Variants in CCDC32 observed in about 807,000 individuals in gnomAD.
CCDC32 encodes the protein coiled-coil domain containing 32, also known as coiled-coil domain-containing protein 32.
In CCDC32, 9 loss-of-function variants were observed where a neutral mutation model predicts 20.1. The ratio of observed to expected loss-of-function variants is 0.45; its 90% CI spans 0.27 to 0.78. The LOEUF (loss-of-function observed/expected upper bound fraction) is 0.78, where lower values mean the gene tolerates loss of function less well. Ranked by LOEUF, CCDC32 falls within the 30% of genes least tolerant of loss-of-function variation. The pLI is 0.16. For missense variants in CCDC32, 204 were observed against 215.5 expected (o/e 0.95, Z 0.33); for synonymous variants, 63 against 79.0 (o/e 0.80, Z 1.07).
Position 40,553,865 on chromosome 15 carries a change from G to T in CCDC32, c.*106C>A. The T allele has an allele frequency of 2.1e-6, 3 of 1,425,856 alleles. No homozygotes were observed. The highest frequency in any genetic ancestry group is 9.3e-7 in the Non-Finnish European group (1 of 1,074,322). 88.3% of individuals were successfully genotyped at this position (1,425,856 alleles called of 1,614,324 possible). On this transcript the variant is annotated 3_prime_UTR_variant, in exon 4 of 4. Coordinates refer to ENST00000416810, the MANE Select transcript of CCDC32 (RefSeq NM_001080792.4). ...GATTTCTCCCTGCTGCTGTCACTGA[G>T]CTCCACGCTGCTCGCTCTGGACCCG...
intron 3 of CCDC32, among the ~76,000 whole-genome samples, chr15:40,554,734 G>A (rs1050429668): frequency 3.9e-5 from 6 of 152,110 alleles, no homozygotes; most frequent in Non-Finnish European, 7.4e-5. Flanking sequence ...TTTTTGTTTG[G>A]ATCTGTAGGG....
downstream of CCDC32, chr15:40,534,890 A>G (rs1276977012): frequency 1.4e-6 from 1 of 702,380 alleles, no homozygotes; most frequent in Non-Finnish European, 2.6e-6. Flanking sequence ...AAAGTGAGGA[A>G]GTGATGGGCT....
chr15:40,548,414 T>C (rs932387927), downstream of CCDC32, among the ~76,000 whole-genome samples: 1 of 152,204 alleles, frequency 6.6e-6, no homozygotes, highest in Non-Finnish European at 1.5e-5. Context: ...AATAAAATAC[T>C]TAAAAATTAG....
At chr15:40,552,437 C>T (rs1418475996), downstream of CCDC32, among the ~76,000 whole-genome samples, 5 of 142,262 alleles carry the variant, frequency 3.5e-5, no homozygotes, top group Non-Finnish European at 6.0e-5. Flanking sequence ...GCCAAGATCG[C>T]GCCATTGCAC....
chr15:40,547,316 G>A (rs1414910981), intron 3 of CCDC32, among the ~76,000 whole-genome samples: 1 of 152,102 alleles, frequency 6.6e-6, no homozygotes, highest in Non-Finnish European at 1.5e-5. Context: ...CTTGTGATCT[G>A]GTGCCAGGCT....
At chr15:40,528,145 G>A (rs1894923218), downstream of CCDC32, among the ~76,000 whole-genome samples, 1 of 152,226 alleles carries the variant, frequency 6.6e-6, no homozygotes, top group Admixed American at 6.5e-5. Flanking sequence ...TGAGAGAGGC[G>A]AAGCTCTGGC....
Position 40,553,380 on chromosome 15 carries a change from C to CAAGGAACAAATGAGAGAA in CCDC32, c.*573_*590dup. 1.0e-6 allele frequency: 1 copy of CAAGGAACAAATGAGAGAA among 985,262 alleles called. No individual in the cohort carries two copies. Among genetic ancestry groups the CAAGGAACAAATGAGAGAA allele is most frequent in the Non-Finnish European group, 1.2e-6 (1 of 829,856 alleles). 61.0% of individuals were successfully genotyped at this position (985,262 alleles called of 1,614,324 possible). On this transcript the variant is annotated 3_prime_UTR_variant, in exon 4 of 4. Transcript: ENST00000416810. ...ACACTTCTTTTGCCCATTTGTTCCA[C>CAAGGAACAAATGAGAGAA]AAGGAACAAATGAGAGAAAGAAGCC...
downstream of CCDC32, among the ~76,000 whole-genome samples, chr15:40,530,488 CCTCT>C (rs896502252): frequency 3.6e-5 from 5 of 139,400 alleles, no homozygotes; most frequent in Admixed American, 7.3e-5. Flanking sequence ...TCTCTCTCTC[CCTCT>C]CTCTCTCTCT....
In CCDC32 at chr15:40,565,016, CCT is replaced by C; in HGVS notation, c.-55_-54del. 1 of 568,078 alleles carries C rather than the reference CCT, an allele frequency of 1.8e-6. No individual in the cohort carries two copies. 35.2% of individuals were successfully genotyped at this position (568,078 alleles called of 1,614,324 possible). The stretch of plus-strand genomic sequence containing the variant: ...GTAAACGCTTGGCTCAGCTCTGTCG[CCT>C]GTAGCCCGGAGGAAATCGGGAGGGG... On this transcript the variant is annotated 5_prime_UTR_variant, in exon 1 of 4. Transcript: ENST00000416810.
intron 2 of CCDC32, chr15:40,557,706 T>G: frequency 5.2e-6 from 1 of 193,430 alleles, no homozygotes; most frequent in Non-Finnish European, 1.1e-5. Flanking sequence ...TTTCCCTGGT[T>G]TGACATGTGT....
At chr15:40,533,953 A>G (rs984275677), downstream of CCDC32, among the ~76,000 whole-genome samples, 3 of 152,212 alleles carry the variant, frequency 2.0e-5, no homozygotes, top group Non-Finnish European at 4.4e-5. Context: ...AAGGGCTAAG[A>G]TCCCAAGAGG....
intron 3 of CCDC32, among the ~76,000 whole-genome samples, chr15:40,540,382 T>A (rs1889339138): frequency 6.8e-6 from 1 of 146,862 alleles, no homozygotes; most frequent in Non-Finnish European, 1.5e-5. Context: ...TTTTTTTTTT[T>A]TTTGAGGTGG....
chr15:40,550,941 T>A (rs959373943), downstream of CCDC32, among the ~76,000 whole-genome samples: 2 of 152,214 alleles, frequency 1.3e-5, no homozygotes. Context: ...TACAGAAACA[T>A]TCTCTTACCA....
At chr15:40,530,954 C>T (rs998318774), downstream of CCDC32, among the ~76,000 whole-genome samples, 18 of 151,732 alleles carry the variant, frequency 1.2e-4, no homozygotes, top group Non-Finnish European at 2.1e-4. Context: ...AAGCAATCCA[C>T]CCATCTCAGC....
chr15:40,529,176 C>G (rs1303261442), intron 3 of CCDC32, among the ~76,000 whole-genome samples: 1 of 152,190 alleles, frequency 6.6e-6, no homozygotes, highest in Non-Finnish European at 1.5e-5. Flanking sequence ...TACTCTCTGC[C>G]AGGGGTCTTA....
At chr15:40,559,882 A>T (rs2141650931) in intron 2 of CCDC32, among the ~76,000 whole-genome samples, 1 of 152,352 alleles carries the variant, frequency 6.6e-6, no homozygotes, top group South Asian at 2.1e-4. Flanking sequence ...CTGGCTAGCC[A>T]CCTGTAGAAG....
At chr15:40,541,134 A>G (rs1255603987) in intron 3 of CCDC32, among the ~76,000 whole-genome samples, 1 of 152,204 alleles carries the variant, frequency 6.6e-6, no homozygotes, top group African/African-American at 2.4e-5. Flanking sequence ...CCGCAGCTGC[A>G]GCGGATGCTT....
intron 3 of CCDC32, among the ~76,000 whole-genome samples, chr15:40,539,840 CCACACACACACACACACACACACA>C (rs142688774): frequency 7.4e-6 from 1 of 134,542 alleles, no homozygotes; most frequent in Admixed American, 8.0e-5. Flanking sequence ...CAAACTGTTG[CCACACACACACACACACACACACA>C]CACACACACA....
chr15:40,535,591 C>G, downstream of CCDC32: 1 of 979,486 alleles, frequency 1.0e-6, no homozygotes. Flanking sequence ...CTTCATGGTT[C>G]TTTATTCCTT....
Sources: allele counts gnomAD v4.1 joint callset (sites outside exome capture counted in the v4.1 genomes callset), GRCh38; gene constraint gnomAD v4.1.1; transcripts MANE v1.5; gene names NCBI Gene and HGNC (gene_info 2026-07-23, HGNC 2026-07-21).